The following WWC1 variants were observed in gnomAD, a reference collection of about 807,000 sequenced individuals.
WWC1 encodes protein KIBRA.
Under a neutral mutation model 138.4 loss-of-function variants are expected in WWC1, and 55 were observed. The observed-to-expected ratio is 0.40, with a 90% CI of 0.32 to 0.50. The LOEUF (loss-of-function observed/expected upper bound fraction) is 0.50, where lower values mean the gene tolerates loss of function less well. WWC1 is among the 20% of genes least tolerant of loss of function. WWC1 has a pLI of 0.72. For synonymous variants in WWC1, 524 were observed against 564.9 expected (o/e 0.93, Z 1.03); for missense variants, 1,226 against 1,420.4 (o/e 0.86, Z 2.20).
Position 168,342,474 on chromosome 5 carries a change from T to C in WWC1, c.120-28950T>C, listed in dbSNP as rs115643251. On this transcript the variant is annotated intron_variant, in intron 1 of 22. Transcript: ENST00000265293. ...TGGAAGCTCACAGTTCAGCCAGTGA[T>C]ACATGTATAGAAGTTTGAAGCAGTA... 1.9e-3 allele frequency among the ~76,000 whole-genome samples: 286 copies of C among 152,308 alleles called. 1 individual carries two copies. The highest frequency in any genetic ancestry group is 6.7e-3 in the African/African-American group (279 of 41,572).
intron 3 of WWC1, among the ~76,000 whole-genome samples, chr5:168,394,729 G>A (rs2008529): frequency 0.65 from 97,641 of 151,322 alleles, 32,214 homozygotes; most frequent in African/African-American, 0.79. Context: ...CATCTCAATT[G>A]AAAAAAAAAT....
chr5:168,447,220 A>AACACAG (rs1755359349), intron 17 of WWC1, among the ~76,000 whole-genome samples: 2 of 152,230 alleles, frequency 1.3e-5, no homozygotes, highest in African/African-American at 4.8e-5. Flanking sequence ...ACCTGGAGGA[A>AACACAG]ACATTCAATA....
At chr5:168,396,978 A>G (rs1027726918) in intron 3 of WWC1, among the ~76,000 whole-genome samples, 2 of 152,058 alleles carry the variant, frequency 1.3e-5, no homozygotes, top group African/African-American at 2.4e-5. Context: ...ATTGTAAAGC[A>G]TATGTTTATT....
At chr5:168,441,579 C>T (rs1464537898) in intron 15 of WWC1, 103 bp from the exon 16 acceptor site, 1 of 1,238,308 alleles carries the variant, frequency 8.1e-7, no homozygotes, top group African/African-American at 1.5e-5. Context: ...TACCTCTCAT[C>T]TGGAGTGGTG....
rs760736218 is a variant in WWC1 at position 168,431,478 on chromosome 5, CTGG to C, written c.2280+35_2280+37del. 4.7e-4 allele frequency: 727 copies of C among 1,531,914 alleles called. 4 individuals are homozygous for C. In the African/African-American group the frequency reaches 8.3e-3, roughly 18 times the overall value. 94.9% of individuals were successfully genotyped at this position (1,531,914 alleles called of 1,614,324 possible). A position where few individuals can be genotyped will look rare whatever the true frequency, so the allele number is the denominator to read the frequency against. ...CGTGTCTGGCTGGCTGGCTGGCTGG[CTGG>C]CTGGCTGGCTGGCTGGCTGGCTGAC... On this transcript the variant is annotated intron_variant, in intron 15 of 22. Coordinates refer to ENST00000265293, the MANE Select transcript of WWC1 (RefSeq NM_015238.3).
intron 14 of WWC1, among the ~76,000 whole-genome samples, chr5:168,430,486 G>T (rs533711453): frequency 8.6e-4 from 131 of 152,334 alleles, no homozygotes; most frequent in Non-Finnish European, 1.6e-3. Context: ...CCTGCTGCAT[G>T]CCAGCTCTAG....
chr5:168,366,199 G>A (rs1460791197), intron 1 of WWC1, among the ~76,000 whole-genome samples: 1 of 152,218 alleles, frequency 6.6e-6, no homozygotes, highest in African/African-American at 2.4e-5. Context: ...ATGTATGTGT[G>A]AGTGTGTCTG....
At position 168,405,023 on chromosome 5, in the gene WWC1, A is replaced by G. The variant is rs560504612; in HGVS notation, c.591-1175A>G. Among the ~76,000 whole-genome samples the G allele has an allele frequency of 6.7e-4, 102 of 152,054 alleles. No homozygotes were observed. In the Middle Eastern group the frequency reaches 0.01, roughly 15 times the overall value. ...ACAGTAATTCTTAGCTCATCACAAGATTGCCCATCCCATATTCCATTTGAT... is the reference window on the plus strand; with the variant it reads ...ACAGTAATTCTTAGCTCATCACAAGGTTGCCCATCCCATATTCCATTTGAT... On this transcript the variant is annotated intron_variant, in intron 5 of 22. Coordinates refer to ENST00000265293, the MANE Select transcript of WWC1 (RefSeq NM_015238.3).
intron 1 of WWC1, among the ~76,000 whole-genome samples, chr5:168,312,700 A>G (rs1561595870): frequency 6.6e-6 from 1 of 152,138 alleles, no homozygotes; most frequent in African/African-American, 2.4e-5. Flanking sequence ...AAAATATCAC[A>G]GAGCCAGCCT....
intron 2 of WWC1, among the ~76,000 whole-genome samples, chr5:168,384,904 A>G (rs1185591366): frequency 3.3e-5 from 5 of 151,500 alleles, no homozygotes; most frequent in African/African-American, 1.2e-4. Flanking sequence ...TTTAGTAGAG[A>G]CGGAGTTTTA....
intron 1 of WWC1, among the ~76,000 whole-genome samples, chr5:168,353,691 T>C (rs948346101): frequency 2.0e-5 from 3 of 152,236 alleles, no homozygotes; most frequent in African/African-American, 7.2e-5. Flanking sequence ...CTTGAAGCCT[T>C]AGTGTCCTCC....
At chr5:168,328,537 T>C (rs1772760842) in intron 1 of WWC1, among the ~76,000 whole-genome samples, 1 of 151,910 alleles carries the variant, frequency 6.6e-6, no homozygotes, top group Non-Finnish European at 1.5e-5. Flanking sequence ...TTAGGGTGGG[T>C]GTGGGGAGTT....
At chr5:168,453,817 A>G in intron 17 of WWC1, 151 bp from the exon 18 acceptor site, 1 of 1,410,156 alleles carries the variant, frequency 7.1e-7, no homozygotes, top group Non-Finnish European at 9.3e-7. Context: ...AAGTGCTGGG[A>G]TTACAGGTGT....
intron 13 of WWC1, 46 bp downstream of exon 13, chr5:168,428,833 G>T (rs1209197969): frequency 2.5e-6 from 4 of 1,602,090 alleles, no homozygotes; most frequent in African/African-American, 1.3e-5. Flanking sequence ...TCTGTGTGGG[G>T]TCCCTTCTTC....
chr5:168,391,442 C>T (rs931237800), intron 3 of WWC1, among the ~76,000 whole-genome samples: 5 of 151,976 alleles, frequency 3.3e-5, no homozygotes, highest in African/African-American at 9.7e-5. Flanking sequence ...AGGCAGATCA[C>T]GAGGTCAGGA....
At chr5:168,349,433 T>C (rs1215573502) in intron 1 of WWC1, among the ~76,000 whole-genome samples, 1 of 152,216 alleles carries the variant, frequency 6.6e-6, no homozygotes, top group African/African-American at 2.4e-5. Flanking sequence ...TCCCTTCTTT[T>C]CTTCCCTGTA....
At position 168,324,363 on chromosome 5, in the gene WWC1, G is replaced by A. The variant is rs562917905; in HGVS notation, c.119+32092G>A. 3.3e-5 allele frequency among the ~76,000 whole-genome samples: 5 copies of A among 152,186 alleles called. No individual in the cohort carries two copies. In the South Asian group the frequency reaches 1.0e-3, roughly 32 times the overall value. On this transcript the variant is annotated intron_variant, in intron 1 of 22. Coordinates refer to ENST00000265293, the MANE Select transcript of WWC1 (RefSeq NM_015238.3). The stretch of plus-strand genomic sequence containing the variant: ...CAGGAGAATCGCTTGAACCTAGGAG[G>A]CAGAGGTTGCAGTGAGTTGAGACTG...
At chr5:168,413,360 G>T (rs1780365106) in intron 8 of WWC1, among the ~76,000 whole-genome samples, 1 of 152,108 alleles carries the variant, frequency 6.6e-6, no homozygotes, top group African/African-American at 2.4e-5. Context: ...TTATACTGTG[G>T]ATCTTATTTT....
At chr5:168,351,634 C>G (rs1378599427) in intron 1 of WWC1, among the ~76,000 whole-genome samples, 1 of 152,124 alleles carries the variant, frequency 6.6e-6, no homozygotes, top group Non-Finnish European at 1.5e-5. Flanking sequence ...AGGTGGGAGA[C>G]AGTGTTTGCA....
Sources: gnomAD v4.1 joint callset for allele counts (sites outside exome capture counted in the v4.1 genomes callset) on GRCh38, gnomAD v4.1.1 for gene constraint, MANE v1.5 for transcripts, NCBI Gene and HGNC (gene_info 2026-07-23, HGNC 2026-07-21) for gene names.